MFAP3: variants seen among roughly 807,000 people sequenced by gnomAD.
MFAP3 encodes the protein microfibril associated protein 3.
Under a neutral mutation model 20.5 loss-of-function variants are expected in MFAP3, and 8 were observed. That is an observed-to-expected ratio of 0.39 (90% CI 0.23 to 0.70). The LOEUF (loss-of-function observed/expected upper bound fraction) is 0.70, where lower values mean the gene tolerates loss of function less well. Among genes scored for constraint, MFAP3 ranks in the 30% least tolerant of loss-of-function variants. MFAP3 has a pLI of 0.44. For synonymous variants in MFAP3, 140 were observed against 154.0 expected, an observed-to-expected ratio of 0.91 and a Z score of 0.67; for missense variants, 398 against 444.6, an observed-to-expected ratio of 0.90 and a Z score of 0.94.
At position 154,052,992 on chromosome 5, in the gene MFAP3, C is replaced by A. The variant is rs1397943550; in HGVS notation, c.368C>A (p.Thr123Asn). The A allele has an allele frequency of 6.2e-7, 1 of 1,613,830 alleles. No individual in the cohort carries two copies. The highest frequency in any genetic ancestry group is 1.1e-5 in the South Asian group (1 of 91,070). Residue 123 changes from threonine (T) to asparagine (N), a missense_variant, in exon 3 of 3, where the codon ACC (threonine) becomes AAC (asparagine). Thr to Asn is a moderately conservative substitution (Grantham distance 65). Transcript: ENST00000522782. ...NVAFDDRGLY[T>N]CFVTSPIRAS... ...GCTTTTGATGACCGTGGGCTCTATA[C>A]CTGTTTCGTCACCTCTCCAATTCGT...
rs1322537834 is a variant in MFAP3, at chr5:154,055,722, C to G, written c.*2009C>G. Among the ~76,000 whole-genome samples the G allele has an allele frequency of 2.6e-5, 4 of 152,134 alleles. No individual in the cohort carries two copies. The South Asian group carries it at 8.3e-4, about 32-fold the overall frequency. On this transcript the variant is annotated 3_prime_UTR_variant, in exon 3 of 3. Transcript: ENST00000522782. Reference sequence around the variant, plus strand: ...CTGGGGTCAAGCGATCGTCCTGCTTCAGCCTCCCAAGCAGCTAGGACTACA... The same window carrying G: ...CTGGGGTCAAGCGATCGTCCTGCTTGAGCCTCCCAAGCAGCTAGGACTACA...
Position 154,054,008 on chromosome 5 carries a change from T to G in MFAP3, c.*295T>G. On this transcript the variant is annotated 3_prime_UTR_variant, in exon 3 of 3. Transcript: ENST00000522782. ...TGAACTAAGAGTCCCATGGTTTCTC[T>G]TCTGGTCACAGTTCTTCCATTGGTT... The G allele has an allele frequency of 3.3e-6, 1 of 300,968 alleles. No individual in the cohort carries two copies. The highest frequency in any genetic ancestry group is 2.2e-5 in the African/African-American group (1 of 46,086). The allele number at this position is 300,968 out of a possible 1,614,324, so 18.6% of individuals were successfully genotyped here.
chr5:154,042,587 C>T (rs1005589134), intron 1 of MFAP3, among the ~76,000 whole-genome samples: 2 of 152,148 alleles, frequency 1.3e-5, no homozygotes, highest in African/African-American at 4.8e-5. Context: ...TGAGTCTAGG[C>T]AGAACAACTT....
At chr5:154,052,879 T>G (rs887005229) in intron 2 of MFAP3, 41 bp from the exon 3 acceptor site, 1 of 1,512,060 alleles carries the variant, frequency 6.6e-7, no homozygotes, top group African/African-American at 1.7e-5. Context: ...TTTAGTAATC[T>G]TTTTGCTATA....
Position 154,054,932 on chromosome 5 carries a change from T to G in MFAP3, c.*1219T>G, listed in dbSNP as rs570190012. The G allele has an allele frequency of 5.4e-5, 9 of 167,194 alleles. No homozygotes were observed. In the South Asian group the frequency reaches 1.9e-3, roughly 35 times the overall value. The allele number at this position is 167,194 out of a possible 1,614,324, so 10.4% of individuals were successfully genotyped here. A position where few individuals can be genotyped will look rare whatever the true frequency, so the allele number is the denominator to read the frequency against. Reference sequence around the variant, plus strand: ...TTAGATAATTGTGAGGGTGTGTTACTATATTAAAATACACACACAACTGAT... The same window carrying G: ...TTAGATAATTGTGAGGGTGTGTTACGATATTAAAATACACACACAACTGAT... On this transcript the variant is annotated 3_prime_UTR_variant, in exon 3 of 3. Transcript: ENST00000522782.
At chr5:154,040,199 AG>A (rs1772892832) in intron 1 of MFAP3, among the ~76,000 whole-genome samples, 1 of 152,210 alleles carries the variant, frequency 6.6e-6, no homozygotes, top group Non-Finnish European at 1.5e-5. Flanking sequence ...AGAACTTCAA[AG>A]GGTTTTTGTT....
chr5:154,049,982 ATTCAAAAGGACAGC>A lies in MFAP3; in HGVS notation c.261_274del (p.Asn87LysfsTer15). Reference sequence around the variant, plus strand: ...CACTATGAAGATGTCCATTGGCACAATTCAAAAGGACAGCAACTGGATGGCAGAAGCAGAGGTAA... The same window carrying A: ...CACTATGAAGATGTCCATTGGCACAAAACTGGATGGCAGAAGCAGAGGTAA... On this transcript the variant is annotated frameshift_variant, in exon 2 of 3. Coordinates refer to ENST00000522782, the MANE Select transcript of MFAP3 (RefSeq NM_005927.5). LOFTEE classifies it high-confidence loss of function. 1 of 1,609,510 alleles carries A rather than the reference ATTCAAAAGGACAGC, an allele frequency of 6.2e-7. No homozygotes were observed. Among genetic ancestry groups the A allele is most frequent in the Non-Finnish European group, 8.5e-7 (1 of 1,176,112 alleles).
intron 2 of MFAP3, 67 bp downstream of exon 2, chr5:154,050,084 C>G: frequency 1.3e-6 from 2 of 1,491,446 alleles, no homozygotes; most frequent in Non-Finnish European, 1.8e-6. Context: ...TTTTTTAACA[C>G]GTTAAACAAA....
chr5:154,049,475 C>T, intron 1 of MFAP3, 82 bp from the exon 2 acceptor site: 2 of 443,184 alleles, frequency 4.5e-6, no homozygotes, highest in South Asian at 5.5e-5. Context: ...TTCTAATTAA[C>T]ATCTATTCAT....
intron 1 of MFAP3, among the ~76,000 whole-genome samples, chr5:154,042,781 A>G (rs1318434997): frequency 6.6e-6 from 1 of 152,130 alleles, no homozygotes; most frequent in Non-Finnish European, 1.5e-5. Context: ...GCAGCCTAGA[A>G]CACATTTGAT....
At chr5:154,048,073 G>T (rs1048776781) in intron 1 of MFAP3, among the ~76,000 whole-genome samples, 2 of 152,112 alleles carry the variant, frequency 1.3e-5, no homozygotes, top group African/African-American at 4.8e-5. Flanking sequence ...TCTTAAAAAA[G>T]AGACTGTATT....
intron 2 of MFAP3, 65 bp downstream of exon 2, chr5:154,050,082 C>T (rs997214374): frequency 2.7e-6 from 4 of 1,498,422 alleles, no homozygotes; most frequent in Non-Finnish European, 3.6e-6. Context: ...TATTTTTTAA[C>T]ACGTTAAACA....
At chr5:154,045,604 C>T (rs1561588687) in intron 1 of MFAP3, among the ~76,000 whole-genome samples, 1 of 152,098 alleles carries the variant, frequency 6.6e-6, no homozygotes, top group Non-Finnish European at 1.5e-5. Flanking sequence ...TCAGTGATTA[C>T]CATTGCCAGA....
intron 1 of MFAP3, among the ~76,000 whole-genome samples, chr5:154,048,096 C>T (rs1430981191): frequency 1.3e-5 from 2 of 152,192 alleles, no homozygotes; most frequent in African/African-American, 4.8e-5. Context: ...AAACTAGATT[C>T]TCCTACTAAC....
intron 1 of MFAP3, among the ~76,000 whole-genome samples, chr5:154,040,248 C>T (rs567749): frequency 0.61 from 92,346 of 152,084 alleles, 28,641 homozygotes; most frequent in East Asian, 0.88. Context: ...TAGAAAACAA[C>T]TTTCAACAAA....
In MFAP3 at chr5:154,049,796, T is replaced by C. The variant is rs1037935850; in HGVS notation, c.74T>C (p.Val25Ala). The C allele has an allele frequency of 1.1e-5, 17 of 1,613,700 alleles. No individual in the cohort carries two copies. Among genetic ancestry groups the C allele is most frequent in the Non-Finnish European group, 1.4e-5 (17 of 1,179,700 alleles). Residue 25 changes from valine (V) to alanine (A), a missense_variant, in exon 2 of 3, where the codon GTG becomes GCG. Physicochemically the swap from Val to Ala is moderately conservative, Grantham distance 64. Coordinates refer to ENST00000522782, the MANE Select transcript of MFAP3 (RefSeq NM_005927.5). The part of the protein sequence containing the change: ...IVPAAFVLED[V>A]DFDQMVSLEA... ...CCAGCTGCTTTTGTTTTGGAAGATG[T>C]GGACTTCGACCAAATGGTTTCACTG... is the stretch of plus-strand genomic sequence containing the variant.
chr5:154,052,734 C>T (rs1773227871), intron 2 of MFAP3, among the ~76,000 whole-genome samples, 186 bp from the exon 3 acceptor site: 1 of 152,140 alleles, frequency 6.6e-6, no homozygotes, highest in Non-Finnish European at 1.5e-5. Context: ...AAGATCCAAG[C>T]TAATTAAATT....
rs1773312020 is a variant in MFAP3 at position 154,055,638 on chromosome 5, T to C, written c.*1925T>C. Among the ~76,000 whole-genome samples the C allele has an allele frequency of 6.6e-6, 1 of 152,164 alleles. No homozygotes were observed. Among genetic ancestry groups the C allele is most frequent in the African/African-American group, 2.4e-5 (1 of 41,440 alleles). ...TTCTCTGGAAAAATTAAATTTTTTTTCTGTCCACTGAGACTGGAGTGCAGT... is the reference window on the plus strand; with the variant it reads ...TTCTCTGGAAAAATTAAATTTTTTTCCTGTCCACTGAGACTGGAGTGCAGT... On this transcript the variant is annotated 3_prime_UTR_variant, in exon 3 of 3. Coordinates refer to ENST00000522782, the MANE Select transcript of MFAP3 (RefSeq NM_005927.5).
chr5:154,054,424 G>A lies in MFAP3; in HGVS notation c.*711G>A, dbSNP rs1245730662. The A allele has an allele frequency of 6.0e-6, 1 of 166,936 alleles. No homozygotes were observed. Among genetic ancestry groups the A allele is most frequent in the African/African-American group, 2.4e-5 (1 of 41,450 alleles). 10.3% of individuals were successfully genotyped at this position (166,936 alleles called of 1,614,324 possible). A position where few individuals can be genotyped will look rare whatever the true frequency, so the allele number is the denominator to read the frequency against. On this transcript the variant is annotated 3_prime_UTR_variant, in exon 3 of 3. Transcript: ENST00000522782. ...ACTTTCCATGAGTAAATTGGTCCTT[G>A]GTGGGGGTGTATCATATTTTTAACT...
Sources: gnomAD v4.1 joint callset for allele counts (sites outside exome capture counted in the v4.1 genomes callset) on GRCh38, gnomAD v4.1.1 for gene constraint, MANE v1.5 for transcripts, NCBI Gene and HGNC (gene_info 2026-07-23, HGNC 2026-07-21) for gene names.